Variants in JMJD1C observed in about 807,000 individuals in gnomAD.
The protein encoded by JMJD1C is jumonji domain-containing protein 1C.
Under a neutral mutation model 245.3 loss-of-function variants are expected in JMJD1C, and 31 were observed. The ratio of observed to expected loss-of-function variants is 0.13; its 90% CI spans 0.09 to 0.17. JMJD1C has a LOEUF of 0.17. Ranked by LOEUF, JMJD1C falls within the 10% of genes least tolerant of loss-of-function variation. JMJD1C has a pLI of 1.00. For missense variants in JMJD1C, 2,691 were observed against 3,000.2 expected (o/e 0.90, Z 2.41); for synonymous variants, 1,057 against 1,017.4 (o/e 1.04, Z -0.74).
At chr10:63,399,091 G>GT (rs1554921586) in intron 1 of JMJD1C, among the ~76,000 whole-genome samples, 1 of 152,118 alleles carries the variant, frequency 6.6e-6, no homozygotes. Flanking sequence ...AACAATAGAT[G>GT]TTTTTTAGGG....
chr10:63,512,489 T>C (rs1954900266), intron 1 of JMJD1C, among the ~76,000 whole-genome samples: 1 of 152,210 alleles, frequency 6.6e-6, no homozygotes, highest in South Asian at 2.1e-4. Context: ...GGTGGTGGGC[T>C]TCTTTCTCTC....
intron 2 of JMJD1C, among the ~76,000 whole-genome samples, chr10:63,265,167 T>C (rs1459254634): frequency 1.3e-5 from 2 of 152,164 alleles, no homozygotes; most frequent in Non-Finnish European, 2.9e-5. Flanking sequence ...GAGTAGTTAT[T>C]ATTTCAATGT....
At chr10:63,279,136 G>C (rs1857132961) in intron 2 of JMJD1C, among the ~76,000 whole-genome samples, 1 of 151,810 alleles carries the variant, frequency 6.6e-6, no homozygotes, top group Non-Finnish European at 1.5e-5. Flanking sequence ...TGTAATCCCA[G>C]CTACTCAGGA....
chr10:63,515,548 G>C lies in JMJD1C; in HGVS notation n.113+6190C>G, dbSNP rs1461386634. 3.3e-5 allele frequency among the ~76,000 whole-genome samples: 5 copies of C among 152,250 alleles called. No individual in the cohort carries two copies. In the South Asian group the frequency reaches 1.0e-3, roughly 32 times the overall value. Reference sequence around the variant, plus strand: ...TTACAGCTCAGATTTTCCTACCCGGGTACTGGTTCCCTCAGGGGTTTCTGA... The same window carrying C: ...TTACAGCTCAGATTTTCCTACCCGGCTACTGGTTCCCTCAGGGGTTTCTGA... On this transcript the variant is annotated intron_variant and non_coding_transcript_variant, in intron 1 of 3. Coordinates refer to the JMJD1C transcript ENST00000633035.
chr10:63,242,428 A>G (rs1589258818), intron 3 of JMJD1C, among the ~76,000 whole-genome samples: 1 of 152,202 alleles, frequency 6.6e-6, no homozygotes, highest in African/African-American at 2.4e-5. Context: ...TTTAGGATAC[A>G]TGAAAAAAGC....
intron 1 of JMJD1C, among the ~76,000 whole-genome samples, chr10:63,387,628 A>ATTTTTTTTTTTTTTT (rs1564863555): frequency 5.9e-4 from 11 of 18,594 alleles, no homozygotes; most frequent in African/African-American, 1.1e-3. Flanking sequence ...AGAAAAAAAA[A>ATTTTTTTTTTTTTTT]ATTTTTTTTT....
Position 63,207,154 on chromosome 10 carries a change from A to G in JMJD1C, c.4515T>C (p.Asn1505=). ...KSSNASETEP[N]AIKNQTLSAS... ...CTGAAAGTGTCTGATTTTTTATAGC[A>G]TTAGGTTCAGTCTCACTGGCATTAC... Residue 1505 remains asparagine, a synonymous_variant, in exon 10 of 26, where the codon AAT becomes AAC. Transcript: ENST00000399262. 6.2e-7 allele frequency: 1 copy of G among 1,614,206 alleles called. No homozygotes were observed. Among genetic ancestry groups the G allele is most frequent in the Non-Finnish European group, 8.5e-7 (1 of 1,180,020 alleles).
At chr10:63,302,542 C>A (rs1190631531) in intron 2 of JMJD1C, among the ~76,000 whole-genome samples, 2 of 152,226 alleles carry the variant, frequency 1.3e-5, no homozygotes, top group African/African-American at 4.8e-5. Flanking sequence ...TGTTTATCTT[C>A]ACAGACAGCT....
intron 2 of JMJD1C, among the ~76,000 whole-genome samples, chr10:63,309,906 G>C (rs536837404): frequency 6.6e-6 from 1 of 151,868 alleles, no homozygotes; most frequent in Non-Finnish European, 1.5e-5. Flanking sequence ...GACAGAACAA[G>C]ATTTCGTCTC....
chr10:63,423,162 A>G (rs1221268065), intron 1 of JMJD1C, among the ~76,000 whole-genome samples: 1 of 152,086 alleles, frequency 6.6e-6, no homozygotes, highest in African/African-American at 2.4e-5. Flanking sequence ...ACGGGGTTTC[A>G]CCATGTTAGC....
intron 11 of JMJD1C, among the ~76,000 whole-genome samples, chr10:63,199,025 G>A (rs1845744236): frequency 6.6e-6 from 1 of 152,096 alleles, no homozygotes; most frequent in South Asian, 2.1e-4. Flanking sequence ...AATGACAAGA[G>A]TAAAAATGTG....
intron 1 of JMJD1C, among the ~76,000 whole-genome samples, chr10:63,412,672 T>A (rs1228302729): frequency 1.3e-5 from 2 of 152,232 alleles, no homozygotes; most frequent in Non-Finnish European, 2.9e-5. Context: ...CCATGTCACG[T>A]CTCTGTGTGG....
intron 3 of JMJD1C, among the ~76,000 whole-genome samples, chr10:63,231,398 A>G (rs1322555309): frequency 6.6e-6 from 1 of 152,218 alleles, no homozygotes; most frequent in Non-Finnish European, 1.5e-5. Context: ...CCTGCCAAAC[A>G]CAATCAAAAA....
chr10:63,378,900 ATCT>A (rs892938049), intron 2 of JMJD1C, among the ~76,000 whole-genome samples: 5 of 152,150 alleles, frequency 3.3e-5, no homozygotes, highest in Non-Finnish European at 7.4e-5. Context: ...GGATAAAATT[ATCT>A]TCTTTAGTTT....
At chr10:63,311,609 AATC>A (rs1485877389) in intron 2 of JMJD1C, among the ~76,000 whole-genome samples, 5 of 152,244 alleles carry the variant, frequency 3.3e-5, no homozygotes, top group African/African-American at 1.2e-4. Flanking sequence ...ACATAATCGA[AATC>A]ATGAAAGCAA....
chr10:63,382,409 G>A (rs1052776295), intron 1 of JMJD1C, among the ~76,000 whole-genome samples: 3 of 152,046 alleles, frequency 2.0e-5, no homozygotes, highest in African/African-American at 4.8e-5. Flanking sequence ...AACATATGAC[G>A]TTCAATTAAT....
intron 2 of JMJD1C, among the ~76,000 whole-genome samples, chr10:63,367,987 C>T (rs1345526511): frequency 1.3e-5 from 2 of 152,166 alleles, no homozygotes; most frequent in African/African-American, 4.8e-5. Flanking sequence ...ATAAATCTTC[C>T]TATCAGGCAA....
intron 1 of JMJD1C, among the ~76,000 whole-genome samples, chr10:63,386,263 C>T (rs1446018159): frequency 6.6e-6 from 1 of 152,180 alleles, no homozygotes; most frequent in Admixed American, 6.5e-5. Flanking sequence ...GTACTGTGGG[C>T]TACTGCTGCC....
chr10:63,237,711 G>C (rs1850905968), intron 3 of JMJD1C, among the ~76,000 whole-genome samples: 1 of 152,118 alleles, frequency 6.6e-6, no homozygotes, highest in Admixed American at 6.5e-5. Context: ...TGTAACATTT[G>C]CATTACGCTT....
Sources: gnomAD v4.1 joint callset for allele counts (sites outside exome capture counted in the v4.1 genomes callset) on GRCh38, gnomAD v4.1.1 for gene constraint, MANE v1.5 for transcripts, NCBI Gene and HGNC (gene_info 2026-07-23, HGNC 2026-07-21) for gene names.